UBA6: variants seen among roughly 807,000 people sequenced by gnomAD.
UBA6 encodes the protein ubiquitin-like modifier-activating enzyme 6.
UBA6 carries 87 observed loss-of-function variants against 148.3 expected under a neutral mutation model. The ratio of observed to expected loss-of-function variants is 0.59; its 90% CI spans 0.49 to 0.70. The LOEUF (loss-of-function observed/expected upper bound fraction) is 0.70, where lower values mean the gene tolerates loss of function less well. Ranked by LOEUF, UBA6 falls within the 30% of genes least tolerant of loss-of-function variation. The pLI is 0.00. For synonymous variants in UBA6, 376 were observed against 401.0 expected, an observed-to-expected ratio of 0.94 and a Z score of 0.75; for missense variants, 1,186 against 1,241.2, an observed-to-expected ratio of 0.96 and a Z score of 0.67.
chr4:67,618,801 C>T lies in UBA6; in HGVS notation c.*196G>A. 2.0e-6 allele frequency: 1 copy of T among 493,814 alleles called. No individual in the cohort carries two copies. The highest frequency in any genetic ancestry group is 3.5e-6 in the Non-Finnish European group (1 of 287,740). The allele number at this position is 493,814 out of a possible 1,614,324, so 30.6% of individuals were successfully genotyped here. On this transcript the variant is annotated 3_prime_UTR_variant, in exon 33 of 33. Coordinates refer to ENST00000322244, the MANE Select transcript of UBA6 (RefSeq NM_018227.6). ...GCTTGTGATCATAGCCACGTGTGAA[C>T]CGTTAGACAAGTGTATGCTATGCCC...
At chr4:67,645,854 C>G in intron 16 of UBA6, 84 bp downstream of exon 16, 1 of 776,740 alleles carries the variant, frequency 1.3e-6, no homozygotes, top group Non-Finnish European at 2.1e-6. Flanking sequence ...ACTCTACACA[C>G]TTAGACTCAA....
chr4:67,650,313 C>T (rs560327019), intron 13 of UBA6, among the ~76,000 whole-genome samples: 11 of 151,996 alleles, frequency 7.2e-5, no homozygotes, highest in South Asian at 4.1e-4. Flanking sequence ...AATTAAGTAA[C>T]TTATTCAATA....
rs72149418 is a variant in UBA6 at position 67,618,085 on chromosome 4, GAAA to G, written c.*909_*911del. On this transcript the variant is annotated 3_prime_UTR_variant, in exon 33 of 33. Transcript: ENST00000322244. ...ATTTAATACCCTAATTAGGTTTCTG[GAAA>G]AAAAAAAGACTACCCTAGCAATAAT... is the stretch of plus-strand genomic sequence containing the variant. 18,391 of 140,612 alleles carry G rather than the reference GAAA, an allele frequency of 0.13. 1,244 individuals are homozygous for G. The highest frequency in any genetic ancestry group is 0.22 in the South Asian group (986 of 4,470). 8.7% of individuals were successfully genotyped at this position (140,612 alleles called of 1,614,324 possible). A position where few individuals can be genotyped will look rare whatever the true frequency, so the allele number is the denominator to read the frequency against.
intron 18 of UBA6, 32 bp from the exon 19 acceptor site, chr4:67,639,156 T>C: frequency 6.5e-7 from 1 of 1,539,272 alleles, no homozygotes; most frequent in Non-Finnish European, 8.8e-7. Context: ...AAGGAATATG[T>C]TAAACAACAA....
chr4:67,678,092 A>T (rs1365828558), intron 5 of UBA6, among the ~76,000 whole-genome samples: 1 of 147,386 alleles, frequency 6.8e-6, no homozygotes, highest in African/African-American at 2.5e-5. Context: ...AATATATATA[A>T]AAGATATATT....
chr4:67,682,162 G>T lies in UBA6; in HGVS notation c.186C>A (p.Ser62=). Residue 62 remains serine, a synonymous_variant, in exon 3 of 33, where the codon TCC becomes TCA. Transcript: ENST00000322244. ...GDTAMQKMAK[S]HVFLSGMGGL... is the part of the protein sequence containing the mutation. The stretch of plus-strand genomic sequence containing the variant: ...CACCCATCCCACTTAAGAAAACATG[G>T]GACTTGGCCATCTTCTGCATTGCTG... The T allele has an allele frequency of 6.2e-7, 1 of 1,613,728 alleles. No homozygotes were observed. The highest frequency in any genetic ancestry group is 8.5e-7 in the Non-Finnish European group (1 of 1,179,832).
intron 12 of UBA6, chr4:67,662,473 G>T (rs72642375): frequency 0.02 from 6,847 of 341,122 alleles, 88 homozygotes; most frequent in Non-Finnish European, 0.027. Context: ...AGTTTTTTTT[G>T]TTTTTTTTTT....
chr4:67,631,832 A>C, intron 24 of UBA6, 25 bp downstream of exon 24: 3 of 1,611,288 alleles, frequency 1.9e-6, no homozygotes, highest in Non-Finnish European at 2.5e-6. Context: ...TGTCATTAAA[A>C]TTTATTCTCA....
At chr4:67,621,199 G>T (rs1017805404) in intron 32 of UBA6, among the ~76,000 whole-genome samples, 4 of 152,122 alleles carry the variant, frequency 2.6e-5, no homozygotes, top group African/African-American at 9.7e-5. Context: ...GGATCCTAAT[G>T]AAAAATAATA....
intron 13 of UBA6, among the ~76,000 whole-genome samples, chr4:67,655,891 T>C (rs1729677051): frequency 6.6e-6 from 1 of 152,124 alleles, no homozygotes; most frequent in Non-Finnish European, 1.5e-5. Flanking sequence ...CAAACTACCA[T>C]CAGAGAATAC....
At chr4:67,650,813 A>G (rs1729537527) in intron 13 of UBA6, among the ~76,000 whole-genome samples, 1 of 152,188 alleles carries the variant, frequency 6.6e-6, no homozygotes, top group East Asian at 1.9e-4. Context: ...CTGGTGGCAG[A>G]TATCAGCTGT....
intron 14 of UBA6, 124 bp downstream of exon 14, chr4:67,648,944 C>T (rs1729487314): frequency 1.0e-6 from 1 of 960,590 alleles, no homozygotes; most frequent in East Asian, 2.7e-5. Context: ...ATACTGCTTG[C>T]ATCTCTTTCA....
rs1373690025 is a variant in UBA6 at position 67,701,085 on chromosome 4, C to T, written c.35G>A (p.Gly12Glu). The T allele has an allele frequency of 3.7e-6, 6 of 1,613,688 alleles. No individual in the cohort carries two copies. The highest frequency in any genetic ancestry group is 1.3e-5 in the African/African-American group (1 of 74,928). ...CCAGGAAGAACAGGACGCCTCTTCC[C>T]CCTGATGGGCGGCCACAGGCTCGGA... ...EGSEPVAAHQGEEASCSSWGT... is the reference protein window; with the variant it reads ...EGSEPVAAHQEEEASCSSWGT... The change falls in exon 1 of 33, where the codon GGG (glycine) becomes GAG (glutamate). Residue 12 changes from glycine (G) to glutamate (E), a missense_variant. Transcript: ENST00000322244.
Position 67,639,058 on chromosome 4 carries a change from G to T in UBA6, c.1621C>A (p.His541Asn). 6.2e-7 allele frequency: 1 copy of T among 1,613,430 alleles called. No individual in the cohort carries two copies. Among genetic ancestry groups the T allele is most frequent in the Non-Finnish European group, 8.5e-7 (1 of 1,179,660 alleles). Residue 541 changes from histidine to asparagine, a missense_variant, in exon 19 of 33, where the codon CAC becomes AAC. Coordinates refer to ENST00000322244, the MANE Select transcript of UBA6 (RefSeq NM_018227.6). The part of the protein sequence containing the change: ...KINSQIKIDA[H>N]LNKVCPTTET... ...GTGGTTGGACATACTTTGTTCAGGTGTGCATCTATCTTTATTTGAGAATTT... is the reference window on the plus strand; with the variant it reads ...GTGGTTGGACATACTTTGTTCAGGTTTGCATCTATCTTTATTTGAGAATTT...
At chr4:67,619,163 G>C in intron 32 of UBA6, 31 bp from the exon 33 acceptor site, 2 of 1,537,302 alleles carry the variant, frequency 1.3e-6, no homozygotes, top group Non-Finnish European at 1.8e-6. Context: ...TGAATACTTT[G>C]GTAAATTCTA....
At chr4:67,676,043 G>C (rs1343496079) in intron 6 of UBA6, among the ~76,000 whole-genome samples, 5 of 115,638 alleles carry the variant, frequency 4.3e-5, no homozygotes, top group Non-Finnish European at 8.7e-5. Context: ...TTTTTTTTGA[G>C]ATGGAGTTTT....
At chr4:67,641,303 A>G (rs1577802223) in intron 17 of UBA6, 75 bp from the exon 18 acceptor site, 1 of 889,556 alleles carries the variant, frequency 1.1e-6, no homozygotes, top group East Asian at 2.6e-5. Context: ...CAGTATGACT[A>G]AAAAAGTCCT....
rs1729611851 is a variant in UBA6, at chr4:67,653,626, CT to C, written c.1105-4416del. 2.0e-5 allele frequency among the ~76,000 whole-genome samples: 3 copies of C among 152,162 alleles called. No individual in the cohort carries two copies. The South Asian group carries it at 6.2e-4, about 32-fold the overall frequency. On this transcript the variant is annotated intron_variant, in intron 13 of 32. Coordinates refer to ENST00000322244, the MANE Select transcript of UBA6 (RefSeq NM_018227.6). ...AATTCTAAAAACCAGAGTGCCTCTT[CT>C]CCTCCAAAGGATTGGAGATCCTCGC...
At chr4:67,641,694 C>T (rs1729311655) in intron 17 of UBA6, among the ~76,000 whole-genome samples, 1 of 149,924 alleles carries the variant, frequency 6.7e-6, no homozygotes, top group Non-Finnish European at 1.5e-5. Context: ...ATTAGGCATG[C>T]TGCCTATTTT....
Sources: allele counts gnomAD v4.1 joint callset (sites outside exome capture counted in the v4.1 genomes callset), GRCh38; gene constraint gnomAD v4.1.1; transcripts MANE v1.5; gene names NCBI Gene and HGNC (gene_info 2026-07-23, HGNC 2026-07-21).